The following ZNF385D variants were observed in gnomAD, a reference collection of about 807,000 sequenced individuals.
ZNF385D encodes the protein zinc finger protein 659.
ZNF385D carries 15 observed loss-of-function variants against 35.8 expected under a neutral mutation model. That is an observed-to-expected ratio of 0.42 (90% CI 0.28 to 0.64). The LOEUF is 0.64. Ranked by LOEUF, ZNF385D falls within the 30% of genes least tolerant of loss-of-function variation. ZNF385D has a pLI of 0.23. For missense variants in ZNF385D, 474 were observed against 494.6 expected, an observed-to-expected ratio of 0.96 and a Z score of 0.39; for synonymous variants, 212 against 186.8, an observed-to-expected ratio of 1.13 and a Z score of -1.10.
chr3:21,605,824 A>C lies in ZNF385D; in HGVS notation c.166-41140T>G, dbSNP rs542755101. Among the ~76,000 whole-genome samples the C allele has an allele frequency of 2.0e-3, 308 of 152,318 alleles. 2 individuals are homozygous for C. Among genetic ancestry groups the C allele is most frequent in the African/African-American group, 7.3e-3 (302 of 41,572 alleles). ...TTGAAAGATTCTTACCCTGATCTTT[A>C]ATGATTTCTTAAAACATTTGAACAT... On this transcript the variant is annotated intron_variant, in intron 2 of 7. Transcript: ENST00000281523.
intron 3 of ZNF385D, among the ~76,000 whole-genome samples, chr3:21,964,428 A>G (rs1361955712): frequency 2.4e-4 from 19 of 80,676 alleles, no homozygotes; most frequent in South Asian, 4.5e-4. Context: ...AAAAAAAAAA[A>G]AAAAGAAAAA....
intron 3 of ZNF385D, among the ~76,000 whole-genome samples, chr3:21,863,321 T>C (rs781121032): frequency 2.6e-5 from 4 of 152,196 alleles, no homozygotes; most frequent in Non-Finnish European, 5.9e-5. Flanking sequence ...CTTTTAAAAA[T>C]AAGTGTAAGC....
At chr3:22,350,341 G>A (rs764997956) in intron 2 of ZNF385D, among the ~76,000 whole-genome samples, 1 of 152,074 alleles carries the variant, frequency 6.6e-6, no homozygotes, top group Non-Finnish European at 1.5e-5. Flanking sequence ...ATTTCTTTGT[G>A]CAGTTAACCC....
intron 1 of ZNF385D, among the ~76,000 whole-genome samples, chr3:21,695,183 G>A (rs2067428509): frequency 1.3e-5 from 2 of 152,338 alleles, no homozygotes; most frequent in South Asian, 4.1e-4. Context: ...AAAGCGCGAT[G>A]TGAAAAGCAG....
chr3:22,334,248 CTTCT>C (rs770485929), intron 2 of ZNF385D, among the ~76,000 whole-genome samples: 1 of 151,914 alleles, frequency 6.6e-6, no homozygotes, highest in Non-Finnish European at 1.5e-5. Context: ...TTTTGAATTG[CTTCT>C]TTTTAATAAT....
chr3:22,316,985 A>G (rs2125438448), intron 2 of ZNF385D, among the ~76,000 whole-genome samples: 1 of 152,220 alleles, frequency 6.6e-6, no homozygotes, highest in Admixed American at 6.5e-5. Flanking sequence ...TCCAAAAGAA[A>G]TGCAATTGTC....
intron 1 of ZNF385D, among the ~76,000 whole-genome samples, chr3:21,704,375 C>T (rs2067818719): frequency 6.6e-6 from 1 of 152,128 alleles, no homozygotes; most frequent in Non-Finnish European, 1.5e-5. Context: ...CCTCAGAGTC[C>T]CGAGCACACA....
chr3:21,570,206 C>T (rs1212337799), intron 2 of ZNF385D, among the ~76,000 whole-genome samples: 3 of 152,148 alleles, frequency 2.0e-5, no homozygotes, highest in African/African-American at 7.2e-5. Context: ...AAACTCAGCC[C>T]ATGGCCTTAT....
At chr3:21,599,455 T>G (rs2064218725) in intron 2 of ZNF385D, among the ~76,000 whole-genome samples, 1 of 152,220 alleles carries the variant, frequency 6.6e-6, no homozygotes, top group South Asian at 2.1e-4. Flanking sequence ...TTCCAAAGTT[T>G]GCATAGGAGA....
intron 3 of ZNF385D, among the ~76,000 whole-genome samples, chr3:22,018,326 T>C (rs1331310172): frequency 4.6e-5 from 7 of 151,978 alleles, no homozygotes; most frequent in South Asian, 2.1e-4. Context: ...TCTGTTAACA[T>C]ATAGATTGTA....
intron 3 of ZNF385D, among the ~76,000 whole-genome samples, chr3:21,757,354 G>T (rs2070391882): frequency 6.6e-6 from 1 of 152,014 alleles, no homozygotes; most frequent in South Asian, 2.1e-4. Context: ...TGTTGGCCAG[G>T]CTGGTCTTGA....
intron 3 of ZNF385D, among the ~76,000 whole-genome samples, chr3:22,093,128 T>C (rs903175896): frequency 6.6e-6 from 1 of 152,052 alleles, no homozygotes; most frequent in Non-Finnish European, 1.5e-5. Context: ...AAACAATTTA[T>C]TGCATTTAAT....
At chr3:22,237,122 C>T (rs893651003) in intron 2 of ZNF385D, among the ~76,000 whole-genome samples, 9 of 152,172 alleles carry the variant, frequency 5.9e-5, no homozygotes, top group Admixed American at 5.2e-4. Flanking sequence ...AGTGGCTGCC[C>T]TGTTTTTCAC....
chr3:22,152,536 T>C (rs574783515), intron 3 of ZNF385D, among the ~76,000 whole-genome samples: 2 of 152,128 alleles, frequency 1.3e-5, no homozygotes, highest in Non-Finnish European at 2.9e-5. Flanking sequence ...TCCTTGCCTC[T>C]TTCAGCTTCT....
intron 3 of ZNF385D, among the ~76,000 whole-genome samples, chr3:21,543,535 C>G (rs928167846): frequency 6.6e-6 from 1 of 152,162 alleles, no homozygotes; most frequent in Admixed American, 6.5e-5. Context: ...TGGCTGGTTC[C>G]CAGCCACAAG....
intron 2 of ZNF385D, among the ~76,000 whole-genome samples, chr3:21,600,625 T>C (rs1403304508): frequency 6.6e-6 from 1 of 151,984 alleles, no homozygotes; most frequent in African/African-American, 2.4e-5. Context: ...AAAGCTGATA[T>C]CATAAGATAT....
chr3:22,090,891 T>A (rs865927450), intron 3 of ZNF385D, among the ~76,000 whole-genome samples: 36 of 152,306 alleles, frequency 2.4e-4, no homozygotes, highest in African/African-American at 7.7e-4. Flanking sequence ...GATGCCTTGT[T>A]AGGGTCTTAT....
At chr3:21,460,131 A>G (rs1703072820) in intron 4 of ZNF385D, among the ~76,000 whole-genome samples, 1 of 152,198 alleles carries the variant, frequency 6.6e-6, no homozygotes, top group Non-Finnish European at 1.5e-5. Context: ...CCAAAGACTC[A>G]GGCTTGACCT....
intron 2 of ZNF385D, among the ~76,000 whole-genome samples, chr3:22,255,280 C>CG (rs397695808): frequency 6.6e-6 from 1 of 150,976 alleles, no homozygotes; most frequent in Non-Finnish European, 1.5e-5. Flanking sequence ...TTCCCCCCCC[C>CG]AAAATTGTGT....
Sources: gnomAD v4.1 joint callset for allele counts (sites outside exome capture counted in the v4.1 genomes callset) on GRCh38, gnomAD v4.1.1 for gene constraint, MANE v1.5 for transcripts, NCBI Gene and HGNC (gene_info 2026-07-23, HGNC 2026-07-21) for gene names.